The following MCC variants were observed in gnomAD, a reference collection of about 807,000 sequenced individuals.
The protein encoded by MCC is MCC regulator of Wnt signaling pathway.
In MCC, 90 loss-of-function variants were observed where a neutral mutation model predicts 116.2. The ratio of observed to expected loss-of-function variants is 0.77; its 90% CI spans 0.65 to 0.92. The LOEUF is 0.92. MCC is among the 40% of genes least tolerant of loss of function. The pLI is 0.00. For synonymous variants in MCC, 578 were observed against 510.5 expected (o/e 1.13, Z -1.78); for missense variants, 1,516 against 1,312.2 (o/e 1.16, Z -2.40).
chr5:113,173,371 C>A (rs1183840071), intron 3 of MCC, among the ~76,000 whole-genome samples: 2 of 152,166 alleles, frequency 1.3e-5, no homozygotes, highest in Non-Finnish European at 2.9e-5. Flanking sequence ...CCTATTACTA[C>A]TGAATAATTA....
intron 1 of MCC, among the ~76,000 whole-genome samples, chr5:113,418,624 A>C (rs944126720): frequency 6.6e-6 from 1 of 152,164 alleles, no homozygotes; most frequent in Non-Finnish European, 1.5e-5. Context: ...ACTGTATGTA[A>C]AGCTTTTAGT....
At chr5:113,161,906 C>T (rs747093930) in intron 3 of MCC, among the ~76,000 whole-genome samples, 3 of 152,204 alleles carry the variant, frequency 2.0e-5, no homozygotes, top group African/African-American at 4.8e-5. Flanking sequence ...CTTGATGCCA[C>T]GGCATGCTCC....
At chr5:113,046,483 C>T (rs540569122) in intron 16 of MCC, among the ~76,000 whole-genome samples, 20 of 151,930 alleles carry the variant, frequency 1.3e-4, no homozygotes, top group Non-Finnish European at 2.2e-4. Context: ...TCAGCCACCA[C>T]GTCCAGCCAA....
chr5:113,381,542 C>T (rs972172148), intron 2 of MCC, among the ~76,000 whole-genome samples: 4 of 152,064 alleles, frequency 2.6e-5, no homozygotes, highest in Admixed American at 2.6e-4. Flanking sequence ...AATCTCAGCA[C>T]TCTGGGAGGC....
Position 113,190,749 on chromosome 5 carries a change from C to T in MCC, c.628-39327G>A, listed in dbSNP as rs1000204512. ...AAGGTGGTGCCAGGAGAACCCAGGG[C>T]AGGGGCAAGAGGAAGTGTATGAAAC... On this transcript the variant is annotated intron_variant, in intron 3 of 18. Coordinates refer to ENST00000408903, the MANE Select transcript of MCC (RefSeq NM_001085377.2). Among the ~76,000 whole-genome samples, 2 of 152,196 alleles carry T rather than the reference C, an allele frequency of 1.3e-5. 1 individual carries two copies. Among genetic ancestry groups the T allele is most frequent in the East Asian group, 3.8e-4 (2 of 5,200 alleles).
chr5:113,098,583 T>C (rs1349870301), intron 8 of MCC, among the ~76,000 whole-genome samples: 2 of 152,238 alleles, frequency 1.3e-5, no homozygotes, highest in Non-Finnish European at 2.9e-5. Context: ...CATTCAGTAA[T>C]GAACTAGGAC....
chr5:113,467,874 T>C (rs984816014), intron 1 of MCC, among the ~76,000 whole-genome samples: 1 of 152,228 alleles, frequency 6.6e-6, no homozygotes, highest in Non-Finnish European at 1.5e-5. Flanking sequence ...CAGTGGTTTG[T>C]AGTTCTCCTT....
intron 7 of MCC, among the ~76,000 whole-genome samples, chr5:113,102,370 G>C (rs898295661): frequency 2.0e-5 from 3 of 152,234 alleles, no homozygotes; most frequent in Non-Finnish European, 4.4e-5. Context: ...AATCTAACTT[G>C]AAGTTTCCTA....
intron 1 of MCC, chr5:113,435,880 C>A (rs1409100741): frequency 6.6e-6 from 1 of 152,642 alleles, no homozygotes; most frequent in Non-Finnish European, 1.5e-5. Context: ...CTGGCAGCTG[C>A]TCTGAGGACA....
chr5:113,027,524 A>G, intron 18 of MCC, 42 bp from the exon 19 acceptor site: 15 of 1,584,964 alleles, frequency 9.5e-6, no homozygotes, highest in Non-Finnish European at 1.3e-5. Flanking sequence ...GATTCATCCT[A>G]AGTAGCATCG....
intron 3 of MCC, among the ~76,000 whole-genome samples, chr5:113,283,529 G>C (rs114245333): frequency 0.014 from 2,147 of 152,124 alleles, 22 homozygotes; most frequent in Middle Eastern, 0.027. Flanking sequence ...TTTTTAAAAA[G>C]AAACGGAAAA....
chr5:113,178,513 C>T (rs1341267644), intron 3 of MCC, among the ~76,000 whole-genome samples: 1 of 152,132 alleles, frequency 6.6e-6, no homozygotes, highest in Non-Finnish European at 1.5e-5. Context: ...ATAATAGAAT[C>T]CCAACCCACT....
intron 3 of MCC, among the ~76,000 whole-genome samples, chr5:113,249,365 C>T (rs1764705288): frequency 6.6e-6 from 1 of 152,196 alleles, no homozygotes; most frequent in African/African-American, 2.4e-5. Flanking sequence ...GACAGTGAGA[C>T]TTACCAACTT....
intron 1 of MCC, among the ~76,000 whole-genome samples, chr5:113,394,563 A>T (rs1769479459): frequency 6.6e-6 from 1 of 152,066 alleles, no homozygotes; most frequent in African/African-American, 2.4e-5. Flanking sequence ...ATAAACGGTC[A>T]CTGTTATTTT....
chr5:113,068,254 T>C, intron 12 of MCC, 71 bp from the exon 13 acceptor site: 2 of 1,197,014 alleles, frequency 1.7e-6, no homozygotes, highest in African/African-American at 3.0e-5. Context: ...CGCCGGTTTC[T>C]GTGCAGGAGG....
chr5:113,156,202 ATGAAG>A (rs1760161398), intron 3 of MCC, among the ~76,000 whole-genome samples: 3 of 152,236 alleles, frequency 2.0e-5, no homozygotes, highest in Non-Finnish European at 4.4e-5. Context: ...ACAAAGCGCT[ATGAAG>A]TTGAGAGTTT....
At chr5:113,269,068 G>T in intron 3 of MCC, 1 of 639,088 alleles carries the variant, frequency 1.6e-6, no homozygotes, top group Non-Finnish European at 1.9e-6. Context: ...ACAAACAGAT[G>T]GGTGGGTGAA....
chr5:113,412,988 T>A (rs1385770694), intron 1 of MCC, among the ~76,000 whole-genome samples: 3 of 152,224 alleles, frequency 2.0e-5, no homozygotes, highest in African/African-American at 7.2e-5. Context: ...GAAGAGTTGT[T>A]GAATTTTGTC....
intron 2 of MCC, among the ~76,000 whole-genome samples, chr5:113,374,649 G>A (rs1180876553): frequency 6.6e-6 from 1 of 152,090 alleles, no homozygotes; most frequent in Non-Finnish European, 1.5e-5. Flanking sequence ...AATTTACCAA[G>A]TTATATAACT....
Sources: allele counts gnomAD v4.1 joint callset (sites outside exome capture counted in the v4.1 genomes callset), GRCh38; gene constraint gnomAD v4.1.1; transcripts MANE v1.5; gene names NCBI Gene and HGNC (gene_info 2026-07-23, HGNC 2026-07-21).